Variants in ERICH3 observed in about 807,000 individuals in gnomAD.
ERICH3 encodes the protein glutamate-rich protein 3.
In ERICH3, 126 loss-of-function variants were observed where a neutral mutation model predicts 131.1. The observed-to-expected ratio is 0.96, with a 90% CI of 0.83 to 1.11. The LOEUF is 1.11. Ranked by LOEUF, ERICH3 falls within the 50% of genes most tolerant of loss-of-function variation. The pLI, the probability that ERICH3 is intolerant of heterozygous loss-of-function variation, is 0.00. For synonymous variants in ERICH3, 695 were observed against 644.6 expected, an observed-to-expected ratio of 1.08 and a Z score of -1.18; for missense variants, 2,050 against 1,810.7, an observed-to-expected ratio of 1.13 and a Z score of -2.40.
intron 1 of ERICH3, among the ~76,000 whole-genome samples, chr1:74,662,955 A>G (rs1646656831): frequency 6.6e-6 from 1 of 152,224 alleles, no homozygotes; most frequent in African/African-American, 2.4e-5. Context: ...GTTTGAGACC[A>G]GCCTAGGCAA....
At chr1:74,656,497 C>T (rs1412944071) in intron 1 of ERICH3, among the ~76,000 whole-genome samples, 1 of 152,120 alleles carries the variant, frequency 6.6e-6, no homozygotes, top group Non-Finnish European at 1.5e-5. Context: ...GAGCCCTTGC[C>T]CTCGACTTGA....
At chr1:74,584,684 G>C (rs1385499637) in intron 12 of ERICH3, among the ~76,000 whole-genome samples, 1 of 152,048 alleles carries the variant, frequency 6.6e-6, no homozygotes, top group African/African-American at 2.4e-5. Flanking sequence ...ACTTAGCCCA[G>C]ATACCCCATC....
At position 74,572,044 on chromosome 1, in the gene ERICH3, C is replaced by T. The variant is rs746873984; in HGVS notation, c.3666G>A (p.Glu1222=). The T allele has an allele frequency of 3.1e-5, 50 of 1,614,102 alleles. No individual in the cohort carries two copies. The highest frequency in any genetic ancestry group is 3.8e-5 in the Non-Finnish European group (45 of 1,180,056). ...CAGGGGCCTGCACCTTTCCTGCTGG[C>T]TCAGCTTCAGGAGCTGCTAAGGCCC... is the stretch of plus-strand genomic sequence containing the variant. ...GEGALAAPEA[E]PAGKVQAPEG... The change falls in exon 14 of 15, where the codon GAG becomes GAA. Residue 1222 remains glutamate (E), a synonymous_variant. Transcript: ENST00000326665.
chr1:74,636,402 G>C lies in ERICH3; in HGVS notation c.481C>G (p.Gln161Glu). ...AGAGGCTGTAATCGAATTGGAGGCT[G>C]CATATTTCCTGGAGCAGTATATGGT... ...PRPYTAPGNM[Q>E]PPIRLQPLPS... The change falls in exon 6 of 15, where the codon CAG (glutamine) becomes GAG (glutamate). Residue 161 changes from glutamine (Q) to glutamate (E), a missense_variant. Physicochemically the swap from Gln to Glu is conservative, Grantham distance 29 (BLOSUM62 2). Transcript: ENST00000326665. 1 of 1,612,758 alleles carries C rather than the reference G, an allele frequency of 6.2e-7. No homozygotes were observed. The highest frequency in any genetic ancestry group is 8.5e-7 in the Non-Finnish European group (1 of 1,179,108).
At chr1:74,665,855 G>C (rs796833062) in intron 1 of ERICH3, among the ~76,000 whole-genome samples, 2 of 152,272 alleles carry the variant, frequency 1.3e-5, no homozygotes, top group African/African-American at 4.8e-5. Flanking sequence ...TACAGTGGGA[G>C]GGGGAGGCAG....
In ERICH3 at chr1:74,599,909, T is replaced by C; in HGVS notation, c.1512A>G (p.Val504=). The change falls in exon 11 of 15, where the codon GTA becomes GTG. Residue 504 remains valine (V), a synonymous_variant. Coordinates refer to ENST00000326665, the MANE Select transcript of ERICH3 (RefSeq NM_001002912.5). ...LKYEYEEDFE[V]DEEKQGEKSN... ...ATTTTTCACCTTGTTTCTCCTCATC[T>C]ACTTCAAAGTCTTCTTCATACTCTG... The C allele has an allele frequency of 6.2e-7, 1 of 1,610,144 alleles. No individual in the cohort carries two copies. The highest frequency in any genetic ancestry group is 8.5e-7 in the Non-Finnish European group (1 of 1,178,082).
intron 1 of ERICH3, among the ~76,000 whole-genome samples, chr1:74,656,636 C>T (rs1163295306): frequency 1.3e-5 from 2 of 152,156 alleles, no homozygotes; most frequent in African/African-American, 4.8e-5. Context: ...GTTTACTGGT[C>T]TGGAAATATA....
Position 74,579,962 on chromosome 1 carries a change from T to A in ERICH3, c.2177-3026A>T, listed in dbSNP as rs183387475. 605 of 848,914 alleles carry A rather than the reference T, an allele frequency of 7.1e-4. 6 individuals carry two copies. The African/African-American group carries it at 0.01, about 15-fold the overall frequency. 52.6% of individuals were successfully genotyped at this position (848,914 alleles called of 1,614,324 possible). ...ATAATGATACTTTAAGGTATTTTTT[T>A]AAATATCAAAATATTCTTATTTTAC... is the stretch of plus-strand genomic sequence containing the variant. On this transcript the variant is annotated intron_variant, in intron 12 of 14. Coordinates refer to ENST00000326665, the MANE Select transcript of ERICH3 (RefSeq NM_001002912.5).
chr1:74,587,012 G>A (rs150164357), intron 12 of ERICH3, among the ~76,000 whole-genome samples: 11 of 151,906 alleles, frequency 7.2e-5, no homozygotes, highest in African/African-American at 2.2e-4. Context: ...ATTAATAATC[G>A]CACATATATT....
intron 1 of ERICH3, among the ~76,000 whole-genome samples, chr1:74,670,205 A>T (rs544935035): frequency 6.6e-6 from 1 of 152,320 alleles, no homozygotes; most frequent in South Asian, 2.1e-4. Flanking sequence ...TTACGAAATT[A>T]GCCTCTAATC....
At chr1:74,649,883 G>A (rs115943690) in intron 1 of ERICH3, among the ~76,000 whole-genome samples, 1,660 of 152,054 alleles carry the variant, frequency 0.011, 37 homozygotes, top group African/African-American at 0.038. Context: ...ATGTCCTGGC[G>A]TGCTGTGTTG....
intron 5 of ERICH3, among the ~76,000 whole-genome samples, chr1:74,637,060 G>T (rs1325089309): frequency 3.3e-5 from 5 of 152,156 alleles, no homozygotes. Context: ...TTCTATGCTA[G>T]ATATTTTCCA....
intron 5 of ERICH3, among the ~76,000 whole-genome samples, chr1:74,639,426 T>C (rs1646418791): frequency 6.6e-6 from 1 of 152,300 alleles, no homozygotes; most frequent in South Asian, 2.1e-4. Context: ...ATCTGCACCA[T>C]TAACTAACAG....
chr1:74,571,239 G>C lies in ERICH3; in HGVS notation c.4471C>G (p.Leu1491Val), dbSNP rs371028623. ...EGERELSPESLQAMATLPVKP... is the reference protein window; with the variant it reads ...EGERELSPESVQAMATLPVKP... ...ACTGGAAGTGTTGCCATCGCCTGTA[G>C]ACTCTCCGGACTCAATTCCCTCTCT... The change falls in exon 14 of 15, where the codon CTA becomes GTA. Residue 1491 changes from leucine (L) to valine (V), a missense_variant. Transcript: ENST00000326665. 3.1e-5 allele frequency: 50 copies of C among 1,613,910 alleles called. No individual in the cohort carries two copies. Among genetic ancestry groups the C allele is most frequent in the Non-Finnish European group, 3.3e-5 (39 of 1,180,006 alleles).
chr1:74,646,337 T>C (rs1646482946), intron 3 of ERICH3, among the ~76,000 whole-genome samples: 1 of 152,058 alleles, frequency 6.6e-6, no homozygotes, highest in South Asian at 2.1e-4. Flanking sequence ...TGTTTTAGAG[T>C]AGCCATTGTA....
At position 74,629,460 on chromosome 1, in the gene ERICH3, T is replaced by C. The variant is rs573633808; in HGVS notation, c.819+2253A>G. Among the ~76,000 whole-genome samples, 45 of 152,264 alleles carry C rather than the reference T, an allele frequency of 3.0e-4. No homozygotes were observed. The Middle Eastern group carries it at 0.01, about 35-fold the overall frequency. ...ATGATAAGGTCTGTCAAAGCCAGCA[T>C]GCCTGATGACACCATGCTGTGCTTC... On this transcript the variant is annotated intron_variant, in intron 7 of 14. Transcript: ENST00000326665.
intron 1 of ERICH3, among the ~76,000 whole-genome samples, chr1:74,664,217 T>A (rs1646668178): frequency 6.6e-6 from 1 of 151,948 alleles, no homozygotes. Flanking sequence ...TATTTATGGA[T>A]GTAGAAGTTC....
At chr1:74,638,724 C>T (rs1296180073) in intron 5 of ERICH3, among the ~76,000 whole-genome samples, 1 of 152,188 alleles carries the variant, frequency 6.6e-6, no homozygotes, top group East Asian at 1.9e-4. Flanking sequence ...AGAAGTGACA[C>T]ATGAGACTTC....
chr1:74,597,408 T>A (rs1647906222), intron 11 of ERICH3, among the ~76,000 whole-genome samples: 1 of 152,068 alleles, frequency 6.6e-6, no homozygotes, highest in African/African-American at 2.4e-5. Flanking sequence ...AAGCATAGCT[T>A]AATAACATCA....
Sources: allele counts gnomAD v4.1 joint callset (sites outside exome capture counted in the v4.1 genomes callset), GRCh38; gene constraint gnomAD v4.1.1; transcripts MANE v1.5; gene names NCBI Gene and HGNC (gene_info 2026-07-23, HGNC 2026-07-21).